The following GRID2 variants were observed in gnomAD, a reference collection of about 807,000 sequenced individuals.
The protein encoded by GRID2 is glutamate ionotropic receptor delta type subunit 2.
Under a neutral mutation model 114.8 loss-of-function variants are expected in GRID2, and 33 were observed. The ratio of observed to expected loss-of-function variants is 0.29; its 90% CI spans 0.22 to 0.38. GRID2 has a LOEUF of 0.38. GRID2 is among the 10% of genes least tolerant of loss of function. The pLI is 1.00. For missense variants in GRID2, 1,184 were observed against 1,257.7 expected, an observed-to-expected ratio of 0.94 and a Z score of 0.89; for synonymous variants, 505 against 449.9, an observed-to-expected ratio of 1.12 and a Z score of -1.55.
intron 2 of GRID2, among the ~76,000 whole-genome samples, chr4:92,664,872 A>G (rs141671922): frequency 1.3e-5 from 2 of 150,852 alleles, no homozygotes; most frequent in African/African-American, 2.4e-5. Flanking sequence ...TACTATTTGT[A>G]TGGAATATCT....
intron 2 of GRID2, among the ~76,000 whole-genome samples, chr4:92,856,924 T>C (rs1267454245): frequency 6.6e-6 from 1 of 152,186 alleles, no homozygotes; most frequent in African/African-American, 2.4e-5. Flanking sequence ...AACACGTGCT[T>C]ACTTCATGTC....
chr4:92,887,570 C>T (rs1746461057), intron 2 of GRID2, among the ~76,000 whole-genome samples: 1 of 152,026 alleles, frequency 6.6e-6, no homozygotes, highest in African/African-American at 2.4e-5. Context: ...TGATTCTGAT[C>T]TCTGCCTCTA....
intron 8 of GRID2, among the ~76,000 whole-genome samples, chr4:93,317,616 T>C (rs2149202472): frequency 6.6e-6 from 1 of 152,242 alleles, no homozygotes. Context: ...CAAACTGCAA[T>C]GCTGCATTTA....
chr4:92,788,164 G>T (rs1739410227), intron 2 of GRID2, among the ~76,000 whole-genome samples: 1 of 151,646 alleles, frequency 6.6e-6, no homozygotes, highest in Non-Finnish European at 1.5e-5. Flanking sequence ...ACATTTCTCT[G>T]GGGTATTCTA....
chr4:93,326,935 A>C (rs1344044307), intron 8 of GRID2, among the ~76,000 whole-genome samples: 1 of 152,188 alleles, frequency 6.6e-6, no homozygotes, highest in Non-Finnish European at 1.5e-5. Flanking sequence ...GGTTTCTATC[A>C]CATCTGTTTG....
intron 2 of GRID2, among the ~76,000 whole-genome samples, chr4:92,632,793 C>T (rs1730874619): frequency 6.6e-6 from 1 of 151,642 alleles, no homozygotes. Flanking sequence ...TAGCCAAAGA[C>T]CATGACTACA....
At chr4:92,387,230 G>GA (rs915924507) in intron 1 of GRID2, among the ~76,000 whole-genome samples, 15 of 150,354 alleles carry the variant, frequency 1.0e-4, no homozygotes, top group African/African-American at 2.0e-4. Context: ...AAAAGGCAGA[G>GA]AAAAAAAAAG....
At chr4:92,419,785 G>GA (rs998099142) in intron 1 of GRID2, among the ~76,000 whole-genome samples, 5 of 151,796 alleles carry the variant, frequency 3.3e-5, no homozygotes, top group African/African-American at 1.2e-4. Flanking sequence ...GTAACTTGAG[G>GA]AAAAAATGAT....
chr4:93,172,233 A>G (rs1436005144), intron 4 of GRID2, among the ~76,000 whole-genome samples: 1 of 152,114 alleles, frequency 6.6e-6, no homozygotes, highest in Non-Finnish European at 1.5e-5. Context: ...CTGATATTCT[A>G]TTGTCATGGA....
At chr4:93,748,216 G>T (rs978829030) in intron 14 of GRID2, among the ~76,000 whole-genome samples, 1 of 152,006 alleles carries the variant, frequency 6.6e-6, no homozygotes, top group Non-Finnish European at 1.5e-5. Context: ...ACACTGTATG[G>T]GTCGATATCT....
chr4:92,478,078 G>A, intron 1 of GRID2, among the ~76,000 whole-genome samples: 1 of 151,692 alleles, frequency 6.6e-6, no homozygotes. Context: ...AAAATTGACT[G>A]TATCCCATCC....
At chr4:92,894,394 G>A (rs1001625196) in intron 2 of GRID2, among the ~76,000 whole-genome samples, 3 of 152,078 alleles carry the variant, frequency 2.0e-5, no homozygotes, top group African/African-American at 7.2e-5. Flanking sequence ...TATCTTGAAT[G>A]GCCAGGAGGA....
At chr4:93,388,777 A>G (rs1224710728) in intron 8 of GRID2, among the ~76,000 whole-genome samples, 1 of 152,208 alleles carries the variant, frequency 6.6e-6, no homozygotes, top group Non-Finnish European at 1.5e-5. Context: ...AACGAGTTAA[A>G]TAGATTCAGG....
intron 1 of GRID2, among the ~76,000 whole-genome samples, chr4:92,411,730 G>A (rs536744760): frequency 1.0e-3 from 153 of 147,072 alleles, no homozygotes; most frequent in Non-Finnish European, 2.1e-3. Flanking sequence ...TTTTGAGACG[G>A]AGTCTCGCTC....
intron 2 of GRID2, among the ~76,000 whole-genome samples, chr4:92,676,548 T>G (rs1329763791): frequency 2.0e-5 from 3 of 152,088 alleles, no homozygotes; most frequent in Non-Finnish European, 4.4e-5. Context: ...ATTTGTTTCT[T>G]TGTATGTCCT....
intron 11 of GRID2, among the ~76,000 whole-genome samples, chr4:93,476,949 CAT>C (rs551238935): frequency 7.6e-4 from 116 of 152,170 alleles, no homozygotes; most frequent in Non-Finnish European, 1.4e-3. Context: ...TTAAGGAAGA[CAT>C]GTGGCAGACT....
intron 1 of GRID2, among the ~76,000 whole-genome samples, chr4:92,310,587 G>A (rs1258122013): frequency 6.6e-6 from 1 of 151,806 alleles, no homozygotes; most frequent in East Asian, 1.9e-4. Context: ...CAAACATATG[G>A]GCAATGTTAA....
chr4:92,638,621 G>C (rs1273284400), intron 2 of GRID2, among the ~76,000 whole-genome samples: 1 of 149,936 alleles, frequency 6.7e-6, no homozygotes, highest in African/African-American at 2.4e-5. Context: ...ATTGCACAGT[G>C]CTTATAAATA....
chr4:92,367,843 T>G (rs1332598957), intron 1 of GRID2, among the ~76,000 whole-genome samples: 2 of 152,144 alleles, frequency 1.3e-5, no homozygotes, highest in Non-Finnish European at 2.9e-5. Context: ...GATCTCTCAT[T>G]GGACTGCACA....
Sources: gnomAD v4.1 joint callset for allele counts (sites outside exome capture counted in the v4.1 genomes callset) on GRCh38, gnomAD v4.1.1 for gene constraint, MANE v1.5 for transcripts, NCBI Gene and HGNC (gene_info 2026-07-23, HGNC 2026-07-21) for gene names.